Variants in CHST8 observed in about 807,000 individuals in gnomAD.
The protein encoded by CHST8 is carbohydrate sulfotransferase 8.
In CHST8, 10 loss-of-function variants were observed where a neutral mutation model predicts 15.0. The observed-to-expected ratio is 0.67, with a 90% CI of 0.41 to 1.13. The LOEUF (loss-of-function observed/expected upper bound fraction) is 1.13. Ranked by LOEUF, CHST8 falls within the 50% of genes most tolerant of loss-of-function variation. The pLI, the probability that CHST8 is intolerant of heterozygous loss-of-function variation, is 0.00. For missense variants in CHST8, 634 were observed against 608.2 expected (o/e 1.04, Z -0.45); for synonymous variants, 259 against 256.6 (o/e 1.01, Z -0.09).
In CHST8 at chr19:33,650,241, C is replaced by A. The variant is rs574532007; in HGVS notation, c.-163-17526C>A. On this transcript the variant is annotated intron_variant, in intron 1 of 4. Transcript: ENST00000650847. ...CCTCCCGTCCCAGCATGGCCAGGAA[C>A]CCAGTTTTTAAGATTTCTCTGGGTT... 5.3e-5 allele frequency among the ~76,000 whole-genome samples: 8 copies of A among 152,152 alleles called. 1 individual carries two copies. In the East Asian group the frequency reaches 9.7e-4, roughly 18 times the overall value.
intron 1 of CHST8, among the ~76,000 whole-genome samples, chr19:33,636,246 G>A (rs1972199306): frequency 6.6e-6 from 1 of 152,074 alleles, no homozygotes; most frequent in African/African-American, 2.4e-5. Flanking sequence ...CCAACATTAA[G>A]CACGGACCTC....
chr19:33,655,650 C>G (rs950522608), intron 1 of CHST8, among the ~76,000 whole-genome samples: 2 of 152,146 alleles, frequency 1.3e-5, no homozygotes, highest in African/African-American at 4.8e-5. Context: ...CTTCCCTAGA[C>G]TATCATACAT....
At position 33,646,291 on chromosome 19, in the gene CHST8, G is replaced by A. The variant is rs577282829; in HGVS notation, c.-163-21476G>A. 9.9e-5 allele frequency among the ~76,000 whole-genome samples: 15 copies of A among 152,220 alleles called. 1 individual carries two copies. Among genetic ancestry groups the A allele is most frequent in the Admixed American group, 9.2e-4 (14 of 15,284 alleles). ...AATGCTGGCCGGCTGTGTTAGGGAT[G>A]AAATTATAGGGGGTAGAAGTTATAG... On this transcript the variant is annotated intron_variant, in intron 1 of 4. Transcript: ENST00000650847.
rs1044505335 is a variant in CHST8 at position 33,643,249 on chromosome 19, A to AT, written c.-164+20959dup. 1.8e-3 allele frequency among the ~76,000 whole-genome samples: 276 copies of AT among 152,192 alleles called. 4 individuals are homozygous for AT. The highest frequency in any genetic ancestry group is 0.018 in the Admixed American group (272 of 15,278). Reference sequence around the variant, plus strand: ...ACCGCACTGGGAATCTTTGTTTTTTATTTTTTAAATCTGTGTCAATTAGAT... The same window carrying AT: ...ACCGCACTGGGAATCTTTGTTTTTTATTTTTTTAAATCTGTGTCAATTAGAT... On this transcript the variant is annotated intron_variant, in intron 1 of 4. Transcript: ENST00000650847.
chr19:33,718,847 G>A (rs1973719836), intron 3 of CHST8, among the ~76,000 whole-genome samples: 1 of 152,202 alleles, frequency 6.6e-6, no homozygotes, highest in Admixed American at 6.5e-5. Flanking sequence ...GGTCCCCTAG[G>A]GCTGAGGAGG....
At chr19:33,660,888 T>C (rs999989380) in intron 1 of CHST8, among the ~76,000 whole-genome samples, 4 of 152,294 alleles carry the variant, frequency 2.6e-5, no homozygotes, top group African/African-American at 7.2e-5. Flanking sequence ...TGTTTACCTT[T>C]AAATTCTTTT....
intron 3 of CHST8, among the ~76,000 whole-genome samples, chr19:33,710,952 C>A (rs58424177): frequency 0.028 from 4,269 of 151,566 alleles, 141 homozygotes; most frequent in African/African-American, 0.079. Flanking sequence ...TAGCTCACTG[C>A]AGCCTCAAGC....
chr19:33,646,454 A>G (rs1257856371), intron 1 of CHST8, among the ~76,000 whole-genome samples: 1 of 152,212 alleles, frequency 6.6e-6, no homozygotes, highest in Non-Finnish European at 1.5e-5. Context: ...TACCTCAAAC[A>G]CTAGTCGTAG....
chr19:33,764,896 G>A (rs549454686), intron 3 of CHST8, among the ~76,000 whole-genome samples: 9 of 151,736 alleles, frequency 5.9e-5, no homozygotes, highest in African/African-American at 2.2e-4. Context: ...TTATGCCTTC[G>A]CATCCTCATA....
In CHST8 at chr19:33,650,299, T is replaced by C. The variant is rs117365831; in HGVS notation, c.-163-17468T>C. ...GCCAAGAGGGGGACTGTTTATTCAG[T>C]TGGGGGACTTAGGATTTTCTTTTTA... is the stretch of plus-strand genomic sequence containing the variant. On this transcript the variant is annotated intron_variant, in intron 1 of 4. Coordinates refer to ENST00000650847, the MANE Select transcript of CHST8 (RefSeq NM_001127895.2). Among the ~76,000 whole-genome samples the C allele has an allele frequency of 2.5e-3, 376 of 152,212 alleles. 7 individuals are homozygous for C. The East Asian group carries it at 0.031, about 13-fold the overall frequency.
At chr19:33,642,720 G>A (rs1972300208) in intron 1 of CHST8, among the ~76,000 whole-genome samples, 1 of 152,354 alleles carries the variant, frequency 6.6e-6, no homozygotes, top group Middle Eastern at 3.4e-3. Context: ...GAAGATTAAA[G>A]TCTTACCGTC....
At chr19:33,719,979 G>A (rs986801006) in intron 3 of CHST8, among the ~76,000 whole-genome samples, 5 of 151,874 alleles carry the variant, frequency 3.3e-5, no homozygotes, top group African/African-American at 1.2e-4. Context: ...AGGCCGTGGG[G>A]CTCCAGCTTC....
At chr19:33,761,480 C>A (rs1374307609) in intron 3 of CHST8, among the ~76,000 whole-genome samples, 1 of 152,066 alleles carries the variant, frequency 6.6e-6, no homozygotes, top group Admixed American at 6.6e-5. Context: ...CAGGTCTCCA[C>A]CACCACACTG....
chr19:33,657,523 C>T (rs1400208557), intron 1 of CHST8, among the ~76,000 whole-genome samples: 2 of 151,612 alleles, frequency 1.3e-5, no homozygotes, highest in African/African-American at 2.4e-5. Context: ...TCGCCCACCT[C>T]AGCCTCCCAA....
At chr19:33,682,187 GTTTTTTTTTTTT>G (rs869056900) in intron 2 of CHST8, among the ~76,000 whole-genome samples, 1 of 95,268 alleles carries the variant, frequency 1.0e-5, no homozygotes, top group East Asian at 3.0e-4. Context: ...TTTTGTTGTT[GTTTTTTTTTTTT>G]TTTTTTTTTT....
At chr19:33,765,718 T>G (rs1292312426) in intron 3 of CHST8, among the ~76,000 whole-genome samples, 2 of 152,076 alleles carry the variant, frequency 1.3e-5, no homozygotes, top group African/African-American at 4.8e-5. Context: ...CACACCACCA[T>G]GCCCAGCTAA....
At chr19:33,636,930 G>T (rs1600228479) in intron 1 of CHST8, among the ~76,000 whole-genome samples, 1 of 152,254 alleles carries the variant, frequency 6.6e-6, no homozygotes, top group East Asian at 1.9e-4. Flanking sequence ...AGGAATAAAA[G>T]AATGGCTACT....
rs922579104 is a variant in CHST8, at chr19:33,671,943, G to C, written c.-87+4100G>C. ...AGGAGGGTTGCAAAGGGAACCCCAA[G>C]TATTGGTAATTGTTTTATTCTTTAA... On this transcript the variant is annotated intron_variant, in intron 2 of 4. Transcript: ENST00000650847. Among the ~76,000 whole-genome samples, 8 of 151,982 alleles carry C rather than the reference G, an allele frequency of 5.3e-5. No homozygotes were observed. The South Asian group carries it at 8.3e-4, about 16-fold the overall frequency.
chr19:33,671,715 C>T (rs1448759635), intron 2 of CHST8, among the ~76,000 whole-genome samples: 1 of 152,042 alleles, frequency 6.6e-6, no homozygotes, highest in Non-Finnish European at 1.5e-5. Context: ...CCTCCTCCCC[C>T]TACTGTGTTT....
Sources: gnomAD v4.1 joint callset for allele counts (sites outside exome capture counted in the v4.1 genomes callset) on GRCh38, gnomAD v4.1.1 for gene constraint, MANE v1.5 for transcripts, NCBI Gene and HGNC (gene_info 2026-07-23, HGNC 2026-07-21) for gene names.